THADA: variants seen among roughly 807,000 people sequenced by gnomAD.
THADA encodes the protein tRNA (32-2'-O)-methyltransferase regulator THADA.
Under a neutral mutation model 219.8 loss-of-function variants are expected in THADA, and 213 were observed. That is an observed-to-expected ratio of 0.97 (90% CI 0.87 to 1.09). The LOEUF (loss-of-function observed/expected upper bound fraction) is 1.09, where lower values mean the gene tolerates loss of function less well. Ranked by LOEUF, THADA falls within the 50% of genes least tolerant of loss-of-function variation. The pLI, the probability that THADA is intolerant of heterozygous loss-of-function variation, is 0.00. For synonymous variants in THADA, 1,018 were observed against 828.9 expected (o/e 1.23, Z -3.92); for missense variants, 2,956 against 2,311.3 (o/e 1.28, Z -5.72).
Position 43,552,124 on chromosome 2 carries a change from C to G in THADA, c.2810+80G>C, listed in dbSNP as rs1019372762. 8 of 1,543,466 alleles carry G rather than the reference C, an allele frequency of 5.2e-6. No individual in the cohort carries two copies. In the Admixed American group the frequency reaches 1.8e-4, roughly 35 times the overall value. ...CAAAGCAATAGACTGCATTCCTTTC[C>G]CAGGACACATTCCAACCAGAGGTTA... On this transcript the variant is annotated intron_variant, in intron 18 of 37. Coordinates refer to ENST00000405975, the MANE Select transcript of THADA (RefSeq NM_022065.5).
intron 36 of THADA, among the ~76,000 whole-genome samples, chr2:43,239,048 T>C (rs1186621762): frequency 6.6e-6 from 1 of 152,220 alleles, no homozygotes; most frequent in Non-Finnish European, 1.5e-5. Flanking sequence ...TACACATTCA[T>C]GTCTGTGGTA....
At chr2:43,247,727 C>CAAAAAAAAAAAAA (rs56687341) in intron 36 of THADA, among the ~76,000 whole-genome samples, 1 of 53,396 alleles carries the variant, frequency 1.9e-5, no homozygotes, top group Non-Finnish European at 3.2e-5. Flanking sequence ...GACTCCGTCT[C>CAAAAAAAAAAAAA]AAAAAAAAAA....
At chr2:43,274,751 A>G (rs747913252) in intron 36 of THADA, among the ~76,000 whole-genome samples, 6 of 151,958 alleles carry the variant, frequency 3.9e-5, no homozygotes, top group Non-Finnish European at 8.8e-5. Flanking sequence ...GACCAGAACT[A>G]CTTGGAGACA....
chr2:43,474,306 A>G (rs1406522908), intron 26 of THADA, among the ~76,000 whole-genome samples: 3 of 152,218 alleles, frequency 2.0e-5, no homozygotes, highest in African/African-American at 7.2e-5. Flanking sequence ...GCTCTGTTCC[A>G]GGTACAATTA....
chr2:43,490,610 A>G (rs936051788), intron 25 of THADA, among the ~76,000 whole-genome samples: 2 of 152,158 alleles, frequency 1.3e-5, no homozygotes, highest in African/African-American at 4.8e-5. Flanking sequence ...AGTATATTAC[A>G]TTACAATGGT....
intron 22 of THADA, among the ~76,000 whole-genome samples, chr2:43,519,946 G>A (rs988245022): frequency 6.6e-5 from 10 of 152,160 alleles, no homozygotes; most frequent in African/African-American, 2.4e-4. Flanking sequence ...TCTTTATAAG[G>A]AAGTGATTTC....
chr2:43,361,641 A>G (rs1222435302), intron 29 of THADA, among the ~76,000 whole-genome samples: 1 of 151,952 alleles, frequency 6.6e-6, no homozygotes, highest in African/African-American at 2.4e-5. Flanking sequence ...CCTTGGCACT[A>G]TTTTTCTTAG....
chr2:43,553,324 C>T (rs574447336), intron 17 of THADA, among the ~76,000 whole-genome samples: 2 of 152,100 alleles, frequency 1.3e-5, no homozygotes, highest in Non-Finnish European at 2.9e-5. Flanking sequence ...TTTTGAAGTC[C>T]TAATCCCTAA....
chr2:43,356,985 A>T (rs1668936344), intron 29 of THADA, among the ~76,000 whole-genome samples: 1 of 152,228 alleles, frequency 6.6e-6, no homozygotes, highest in South Asian at 2.1e-4. Flanking sequence ...AAAGGAATGT[A>T]GTATGAGCTA....
chr2:43,396,756 A>G (rs991499811), intron 29 of THADA, among the ~76,000 whole-genome samples: 1 of 152,076 alleles, frequency 6.6e-6, no homozygotes, highest in Non-Finnish European at 1.5e-5. Flanking sequence ...GTTTGCAGTG[A>G]GCCGAGACTG....
intron 31 of THADA, among the ~76,000 whole-genome samples, chr2:43,307,601 G>T (rs1327528128): frequency 6.6e-6 from 1 of 152,182 alleles, no homozygotes; most frequent in Non-Finnish European, 1.5e-5. Flanking sequence ...TCCTGTTAGA[G>T]GAGCTACATT....
intron 29 of THADA, among the ~76,000 whole-genome samples, chr2:43,397,700 G>T (rs1284955163): frequency 6.6e-6 from 1 of 151,816 alleles, no homozygotes; most frequent in African/African-American, 2.4e-5. Flanking sequence ...GGTTCAGAGA[G>T]GTGAGGCCAA....
intron 22 of THADA, among the ~76,000 whole-genome samples, chr2:43,519,722 T>C (rs1177291735): frequency 6.6e-6 from 1 of 152,190 alleles, no homozygotes; most frequent in Non-Finnish European, 1.5e-5. Context: ...TAAGAAATCT[T>C]TTGTTGAATA....
At chr2:43,245,400 T>G (rs1354942257) in intron 36 of THADA, among the ~76,000 whole-genome samples, 1 of 152,162 alleles carries the variant, frequency 6.6e-6, no homozygotes, top group Non-Finnish European at 1.5e-5. Context: ...CTTGAACCCC[T>G]GACCTCAGGT....
intron 29 of THADA, among the ~76,000 whole-genome samples, chr2:43,384,824 T>A (rs781412023): frequency 2.0e-5 from 3 of 151,712 alleles, no homozygotes; most frequent in Non-Finnish European, 4.4e-5. Context: ...TTAAAATAAA[T>A]AACTAAATAA....
chr2:43,578,577 G>C lies in THADA; in HGVS notation c.752C>G (p.Ser251Cys). ...DDLLQTVQST[S>C]GLAIILFIKT... ...AATAAAAAGAATAATAGCTAATCCA[G>C]ATGTGCTCTGTACAGTCTGTAACAG... is the stretch of plus-strand genomic sequence containing the variant. The change falls in exon 9 of 38, where the codon TCT (serine) becomes TGT (cysteine). Residue 251 changes from serine (S) to cysteine (C), a missense_variant. By Grantham distance (112) the Ser-to-Cys change is moderately radical. Coordinates refer to ENST00000405975, the MANE Select transcript of THADA (RefSeq NM_022065.5). 3 of 1,612,592 alleles carry C rather than the reference G, an allele frequency of 1.9e-6. No individual in the cohort carries two copies. The highest frequency in any genetic ancestry group is 2.5e-6 in the Non-Finnish European group (3 of 1,178,920).
At chr2:43,331,918 TACACACACACAC>T (rs141276481) in intron 30 of THADA, among the ~76,000 whole-genome samples, 14 of 142,834 alleles carry the variant, frequency 9.8e-5, no homozygotes, top group East Asian at 4.0e-4. Context: ...ATATATCTAA[TACACACACACAC>T]ACACACACAC....
intron 28 of THADA, among the ~76,000 whole-genome samples, chr2:43,423,737 A>G (rs904393658): frequency 6.6e-6 from 1 of 152,034 alleles, no homozygotes; most frequent in Non-Finnish European, 1.5e-5. Context: ...TCAGGATTCT[A>G]TGGTCCTAGG....
chr2:43,498,911 G>A lies in THADA; in HGVS notation c.3666C>T (p.Arg1222=), dbSNP rs1688597525. 1.3e-6 allele frequency: 2 copies of A among 1,597,334 alleles called. No individual in the cohort carries two copies. Among genetic ancestry groups the A allele is most frequent in the African/African-American group, 2.7e-5 (2 of 74,682 alleles). Residue 1222 remains arginine (R), a synonymous_variant, in exon 25 of 38, where the codon CGC becomes CGT. Transcript: ENST00000405975. ...NILRALFRDT[R]LGENIIPYVA... ...CATAAGGAATAATATTTTCTCCCAG[G>A]CGCGTATCTCTGAACAATGCTCTAA...
Sources: gnomAD v4.1 joint callset for allele counts (sites outside exome capture counted in the v4.1 genomes callset) on GRCh38, gnomAD v4.1.1 for gene constraint, MANE v1.5 for transcripts, NCBI Gene and HGNC (gene_info 2026-07-23, HGNC 2026-07-21) for gene names.